The following STOX1 variants were observed in gnomAD, a reference collection of about 807,000 sequenced individuals.
STOX1 encodes storkhead-box protein 1.
In STOX1, 57 loss-of-function variants were observed where a neutral mutation model predicts 74.8. The observed-to-expected ratio is 0.76, with a 90% confidence interval of 0.62 to 0.95. The LOEUF is 0.95. Ranked by LOEUF, STOX1 falls within the 40% of genes least tolerant of loss-of-function variation. STOX1 has a pLI of 0.00. For synonymous variants in STOX1, 375 were observed against 401.3 expected, an observed-to-expected ratio of 0.93 and a Z score of 0.78; for missense variants, 1,010 against 1,117.0, an observed-to-expected ratio of 0.90 and a Z score of 1.37.
intron 1 of STOX1, among the ~76,000 whole-genome samples, chr10:68,844,116 C>T (rs1312822113): frequency 6.6e-6 from 1 of 151,364 alleles, no homozygotes; most frequent in South Asian, 2.1e-4. Context: ...GGAGGCGGAG[C>T]TTGCAGTGAG....
chr10:68,850,365 T>C (rs1321824116), intron 1 of STOX1, among the ~76,000 whole-genome samples: 3 of 152,192 alleles, frequency 2.0e-5, no homozygotes, highest in African/African-American at 7.2e-5. Context: ...GCCATAGTTA[T>C]ATTTGCTGGT....
intron 3 of STOX1, among the ~76,000 whole-genome samples, chr10:68,887,407 C>A (rs750831921): frequency 6.6e-6 from 1 of 152,002 alleles, no homozygotes; most frequent in Non-Finnish European, 1.5e-5. Flanking sequence ...CTCATCCTCC[C>A]GAGTATCTGG....
At chr10:68,851,538 C>T (rs1033448127) in intron 1 of STOX1, among the ~76,000 whole-genome samples, 2 of 151,968 alleles carry the variant, frequency 1.3e-5, no homozygotes, top group Non-Finnish European at 2.9e-5. Context: ...ACATGTACCC[C>T]CCAAAATATG....
chr10:68,861,062 G>T (rs1345982026), intron 1 of STOX1, among the ~76,000 whole-genome samples: 1 of 152,030 alleles, frequency 6.6e-6, no homozygotes, highest in Non-Finnish European at 1.5e-5. Flanking sequence ...TACAAAATTA[G>T]CCGGGCATGA....
intron 1 of STOX1, among the ~76,000 whole-genome samples, chr10:68,840,896 C>T (rs527405642): frequency 2.7e-5 from 4 of 150,890 alleles, no homozygotes; most frequent in Admixed American, 2.6e-4. Flanking sequence ...TGGAATATGG[C>T]TGTGGGGTGT....
intron 1 of STOX1, among the ~76,000 whole-genome samples, chr10:68,856,845 G>A (rs1258713706): frequency 2.6e-5 from 4 of 152,048 alleles, no homozygotes; most frequent in Non-Finnish European, 2.9e-5. Context: ...ACCTGGGGAG[G>A]ACAGCAAAAT....
intron 3 of STOX1, among the ~76,000 whole-genome samples, chr10:68,888,802 ATTTTTTTTTTTTTT>A (rs35174437): frequency 2.8e-4 from 9 of 32,060 alleles, no homozygotes; most frequent in South Asian, 2.0e-3. Flanking sequence ...TGCCCAGCTA[ATTTTTTTTTTTTTT>A]TTTTTTTTTT....
chr10:68,882,246 A>G, intron 2 of STOX1, 136 bp downstream of exon 2: 1 of 825,082 alleles, frequency 1.2e-6, no homozygotes, highest in Non-Finnish European at 2.0e-6. Context: ...GAACCCTGCC[A>G]GAAGAAGTCC....
Position 68,886,627 on chromosome 10 carries a change from A to G in STOX1, c.2822+9A>G, listed in dbSNP as rs371020234. ...GGAATAGATTCTCCACGGTAGGTCC[A>G]TACAAAAGTGTCTGATTTAGGCCGG... On this transcript the variant is annotated intron_variant, in intron 3 of 3. Coordinates refer to ENST00000298596, the MANE Select transcript of STOX1 (RefSeq NM_152709.5). The G allele has an allele frequency of 4.3e-6, 7 of 1,613,442 alleles. No homozygotes were observed. Among genetic ancestry groups the G allele is most frequent in the African/African-American group, 4.0e-5 (3 of 74,932 alleles).
At chr10:68,862,259 C>T (rs1412502813) in intron 1 of STOX1, among the ~76,000 whole-genome samples, 1 of 151,616 alleles carries the variant, frequency 6.6e-6, no homozygotes, top group Non-Finnish European at 1.5e-5. Context: ...ATAATATGTA[C>T]AGAGGGAGAG....
intron 1 of STOX1, among the ~76,000 whole-genome samples, chr10:68,873,257 A>ATTTTTTTT (rs5785875): frequency 4.7e-5 from 5 of 105,290 alleles, no homozygotes; most frequent in Admixed American, 1.1e-4. Context: ...AAACAAGAGC[A>ATTTTTTTT]TTTTTTTTTT....
At chr10:68,881,437 T>G (rs1425784600) in intron 1 of STOX1, among the ~76,000 whole-genome samples, 1 of 152,198 alleles carries the variant, frequency 6.6e-6, no homozygotes, top group African/African-American at 2.4e-5. Flanking sequence ...ATCATCCCAA[T>G]CAGGAAAATG....
chr10:68,885,621 G>A lies in STOX1; in HGVS notation c.1825G>A (p.Val609Met). The stretch of plus-strand genomic sequence containing the variant: ...TATGGAAAGCATGTTGAGATATGAA[G>A]TGTATGGTGGAGAAAATGAGGTAAT... Reference protein sequence around the residue: ...PFMESMLRYEVYGGENEVIPE... With the variant: ...PFMESMLRYEMYGGENEVIPE... Residue 609 changes from valine to methionine, a missense_variant, in exon 3 of 4, where the codon GTG becomes ATG. Val to Met is a conservative substitution (Grantham distance 21, BLOSUM62 1). Transcript: ENST00000298596. 5.0e-6 allele frequency: 8 copies of A among 1,614,204 alleles called. No homozygotes were observed. Among genetic ancestry groups the A allele is most frequent in the South Asian group, 2.2e-5 (2 of 91,088 alleles).
At chr10:68,861,341 G>T (rs763958085) in intron 1 of STOX1, among the ~76,000 whole-genome samples, 1 of 152,140 alleles carries the variant, frequency 6.6e-6, no homozygotes, top group Non-Finnish European at 1.5e-5. Flanking sequence ...TTTATCTGCA[G>T]CAGGAACATG....
At position 68,885,824 on chromosome 10, in the gene STOX1, T is replaced by A. The variant is rs1216130517; in HGVS notation, c.2028T>A (p.Val676=). Residue 676 remains valine (V), a synonymous_variant, in exon 3 of 4, where the codon GTT becomes GTA. Transcript: ENST00000298596. ...FQNLGLLDYP[V]GVNPLRQAAR... is the part of the protein sequence containing the mutation. ...ATCTTGGCCTTTTGGATTACCCAGT[T>A]GGCGTGAACCCTTTAAGACAAGCTG... 6.2e-7 allele frequency: 1 copy of A among 1,613,942 alleles called. No individual in the cohort carries two copies. Among genetic ancestry groups the A allele is most frequent in the East Asian group, 2.2e-5 (1 of 44,894 alleles).
At position 68,892,662 on chromosome 10, in the gene STOX1, G is replaced by A; in HGVS notation, c.2896G>A (p.Val966Ile). ...LKRRQNFLQN[V>I]EGTKSSQPLT... ...AAGAAGACAGAATTTTCTGCAAAAT[G>A]TCGAAGGCACAAAGAGCAGTCAACC... Residue 966 changes from valine (V) to isoleucine (I), a missense_variant, in exon 4 of 4, where the codon GTC (valine) becomes ATC (isoleucine). Coordinates refer to ENST00000298596, the MANE Select transcript of STOX1 (RefSeq NM_152709.5). The A allele has an allele frequency of 6.2e-7, 1 of 1,613,878 alleles. No individual in the cohort carries two copies.
In STOX1 at chr10:68,841,517, G is replaced by C. The variant is rs374243687; in HGVS notation, c.310+13584G>C. Among the ~76,000 whole-genome samples, 21 of 152,104 alleles carry C rather than the reference G, an allele frequency of 1.4e-4. 1 individual carries two copies. The East Asian group carries it at 1.9e-3, about 14-fold the overall frequency. On this transcript the variant is annotated intron_variant, in intron 1 of 3. Coordinates refer to ENST00000298596, the MANE Select transcript of STOX1 (RefSeq NM_152709.5). ...TTACATAAATGTTAGCATATTACAT[G>C]TATTATTTTTTCTTGGAAACAAATT...
At chr10:68,873,166 T>G (rs1167313154) in intron 1 of STOX1, among the ~76,000 whole-genome samples, 2 of 152,008 alleles carry the variant, frequency 1.3e-5, no homozygotes, top group African/African-American at 4.8e-5. Flanking sequence ...TCAGCCACTG[T>G]GCCCAGCCAC....
chr10:68,840,978 C>T (rs1324709058), intron 1 of STOX1, among the ~76,000 whole-genome samples: 8 of 150,688 alleles, frequency 5.3e-5, no homozygotes, highest in Admixed American at 1.3e-4. Flanking sequence ...GACAGTGTCT[C>T]GCTCTGTTGC....
Sources: allele counts gnomAD v4.1 joint callset (sites outside exome capture counted in the v4.1 genomes callset), GRCh38; gene constraint gnomAD v4.1.1; transcripts MANE v1.5; gene names NCBI Gene and HGNC (gene_info 2026-07-23, HGNC 2026-07-21).